Variants in NEMP2 observed in about 807,000 individuals in gnomAD.
The protein encoded by NEMP2 is nuclear envelope integral membrane protein 2, also known as UPF0571 transmembrane protein.
A neutral mutation model predicts 54.2 loss-of-function variants in NEMP2; 53 were observed. The ratio of observed to expected loss-of-function variants is 0.98; its 90% CI spans 0.78 to 1.23. The LOEUF is 1.23. NEMP2 is among the 50% of genes most tolerant of loss of function. NEMP2 has a pLI of 0.00. For synonymous variants in NEMP2, 197 were observed against 190.3 expected (o/e 1.04, Z -0.29); for missense variants, 455 against 511.3 (o/e 0.89, Z 1.06).
the NEMP2 span, among the ~76,000 whole-genome samples, chr2:190,443,906 G>A: frequency 9.3e-4 from 142 of 152,228 alleles, 1 homozygote; most frequent in African/African-American, 2.9e-3. The surrounding 1 kb of genome is among the most constrained non-coding windows in gnomAD (Gnocchi z 4.2). Flanking sequence ...AATAACATTA[G>A]CTGGGCATGG....
the NEMP2 span, among the ~76,000 whole-genome samples, chr2:190,595,424 A>G: frequency 2.6e-5 from 4 of 152,214 alleles, no homozygotes; most frequent in Non-Finnish European, 1.5e-5. The surrounding 1 kb of genome is among the most constrained non-coding windows in gnomAD (Gnocchi z 4.0). Context: ...TAAACTAAAG[A>G]GCTTCTGCAC....
chr2:190,640,398 G>C, the NEMP2 span, among the ~76,000 whole-genome samples: 1 of 151,996 alleles, frequency 6.6e-6, no homozygotes, highest in East Asian at 1.9e-4. Flanking sequence ...TGATTATTTG[G>C]AACAGTTTAT....
the NEMP2 span, among the ~76,000 whole-genome samples, chr2:190,421,945 C>T: frequency 8.0e-4 from 122 of 152,266 alleles, no homozygotes; most frequent in Non-Finnish European, 1.5e-3. Context: ...TTAACTCTCT[C>T]TTCTGCTCCT....
the NEMP2 span, among the ~76,000 whole-genome samples, chr2:190,426,755 G>C: frequency 6.6e-6 from 1 of 152,142 alleles, no homozygotes; most frequent in African/African-American, 2.4e-5. The surrounding 1 kb of genome is among the most constrained non-coding windows in gnomAD (Gnocchi z 4.7). Flanking sequence ...TTCAGTTTGA[G>C]ATCTTCCTGG....
chr2:190,590,494 A>C, the NEMP2 span, among the ~76,000 whole-genome samples: 2 of 152,166 alleles, frequency 1.3e-5, no homozygotes, highest in African/African-American at 4.8e-5. This position sits in a 1 kb window ranked among gnomAD's most constrained non-coding sequence, Gnocchi z 5.1. Flanking sequence ...ATTGTGGAAC[A>C]TTGGAATGGT....
chr2:190,464,235 T>A, the NEMP2 span, among the ~76,000 whole-genome samples: 1 of 152,172 alleles, frequency 6.6e-6, no homozygotes, highest in Non-Finnish European at 1.5e-5. Flanking sequence ...TAAAAAACAA[T>A]CTTCATCTGG....
At chr2:190,573,497 C>T in the NEMP2 span, among the ~76,000 whole-genome samples, 1 of 152,162 alleles carries the variant, frequency 6.6e-6, no homozygotes, top group Non-Finnish European at 1.5e-5. Flanking sequence ...CTTTTCCCTC[C>T]CCTTCTCCCA....
the NEMP2 span, among the ~76,000 whole-genome samples, chr2:190,593,649 A>T: frequency 6.6e-6 from 1 of 152,190 alleles, no homozygotes; most frequent in African/African-American, 2.4e-5. The surrounding 1 kb of genome is among the most constrained non-coding windows in gnomAD (Gnocchi z 4.5). Flanking sequence ...TTCTAGTACA[A>T]AAGTCAGGAA....
the NEMP2 span, among the ~76,000 whole-genome samples, chr2:190,631,699 T>C: frequency 1.2e-4 from 18 of 152,232 alleles, no homozygotes; most frequent in Non-Finnish European, 1.9e-4. Context: ...TTGTAATTAA[T>C]TTCTCAAATC....
the NEMP2 span, among the ~76,000 whole-genome samples, chr2:190,601,575 C>A: frequency 6.6e-6 from 1 of 152,096 alleles, no homozygotes; most frequent in African/African-American, 2.4e-5. This position sits in a 1 kb window ranked among gnomAD's most constrained non-coding sequence, Gnocchi z 5.8. Context: ...TAGACATATA[C>A]ATATAAGGAA....
At position 190,517,526 on chromosome 2, in the gene NEMP2, A is replaced by G; in HGVS notation, c.606T>C (p.Ile202=). Residue 202 remains isoleucine (I), a synonymous_variant, in exon 5 of 9, where the codon ATT becomes ATC. Coordinates refer to ENST00000409150, the MANE Select transcript of NEMP2 (RefSeq NM_001142645.2). ...VFVLLLVKRF[I]PKYSTFWALM... ...TTTCACATAGTATGCCTACCTTCGG[A>G]ATGAATCTTTTCACCAACAGCAAGA... 1 of 1,548,586 alleles carries G rather than the reference A, an allele frequency of 6.5e-7. No individual in the cohort carries two copies. The highest frequency in any genetic ancestry group is 8.7e-7 in the Non-Finnish European group (1 of 1,145,424).
chr2:190,424,277 A>C, the NEMP2 span, among the ~76,000 whole-genome samples: 1 of 150,666 alleles, frequency 6.6e-6, no homozygotes, highest in Non-Finnish European at 1.5e-5. This position sits in a 1 kb window ranked among gnomAD's most constrained non-coding sequence, Gnocchi z 5.9. Context: ...CAAATTGTAT[A>C]GTTAATGATC....
chr2:190,587,267 C>T, the NEMP2 span, among the ~76,000 whole-genome samples: 1 of 152,130 alleles, frequency 6.6e-6, no homozygotes, highest in Non-Finnish European at 1.5e-5. The surrounding 1 kb of genome is among the most constrained non-coding windows in gnomAD (Gnocchi z 5.4). Flanking sequence ...AAAGGGCAGG[C>T]GTACTTACTG....
At chr2:190,614,550 A>C in the NEMP2 span, among the ~76,000 whole-genome samples, 6 of 152,334 alleles carry the variant, frequency 3.9e-5, no homozygotes, top group East Asian at 9.6e-4. This position sits in a 1 kb window ranked among gnomAD's most constrained non-coding sequence, Gnocchi z 5.7. Flanking sequence ...CTGACTCTCA[A>C]TCATTGAGCT....
At chr2:190,601,193 A>G in the NEMP2 span, among the ~76,000 whole-genome samples, 2 of 152,138 alleles carry the variant, frequency 1.3e-5, no homozygotes, top group East Asian at 1.9e-4. The surrounding 1 kb of genome is among the most constrained non-coding windows in gnomAD (Gnocchi z 5.8). Context: ...AGACAGTCAC[A>G]TATACAGAGA....
the NEMP2 span, among the ~76,000 whole-genome samples, chr2:190,640,787 ATTTTTTTTT>A: frequency 1.7e-4 from 20 of 118,004 alleles, no homozygotes; most frequent in Admixed American, 1.4e-3. Context: ...AACACATTCA[ATTTTTTTTT>A]TTTTTTTTTT....
At chr2:190,437,433 C>G in the NEMP2 span, 4 of 1,614,220 alleles carry the variant, frequency 2.5e-6, no homozygotes, top group East Asian at 8.9e-5. This position sits in a 1 kb window ranked among gnomAD's most constrained non-coding sequence, Gnocchi z 5.9. Flanking sequence ...TCACCTTTCT[C>G]TACTGGCATT....
chr2:190,635,828 G>A, the NEMP2 span, among the ~76,000 whole-genome samples: 1 of 152,224 alleles, frequency 6.6e-6, no homozygotes, highest in Admixed American at 6.5e-5. This position sits in a 1 kb window ranked among gnomAD's most constrained non-coding sequence, Gnocchi z 4.1. Context: ...GCTCTCCAAA[G>A]TGTTTGTACC....
the NEMP2 span, among the ~76,000 whole-genome samples, chr2:190,471,342 C>G: frequency 2.6e-5 from 4 of 152,150 alleles, no homozygotes; most frequent in Non-Finnish European, 5.9e-5. This position sits in a 1 kb window ranked among gnomAD's most constrained non-coding sequence, Gnocchi z 4.7. Context: ...CTTTCCTAGC[C>G]GAGGAAAGGG....
Sources: gnomAD v4.1 joint callset for allele counts (sites outside exome capture counted in the v4.1 genomes callset) on GRCh38, gnomAD v4.1.1 for gene constraint, Gnocchi (gnomAD v3.1) non-coding constraint, MANE v1.5 for transcripts, NCBI Gene and HGNC (gene_info 2026-07-23, HGNC 2026-07-21) for gene names.